ADGRL1: variants seen among roughly 807,000 people sequenced by gnomAD.
The protein encoded by ADGRL1 is CIRL-1.
In ADGRL1, 31 loss-of-function variants were observed where a neutral mutation model predicts 148.9. The ratio of observed to expected loss-of-function variants is 0.21; its 90% CI spans 0.16 to 0.28. The LOEUF (loss-of-function observed/expected upper bound fraction) is 0.28, where lower values mean the gene tolerates loss of function less well. Ranked by LOEUF, ADGRL1 falls within the 10% of genes least tolerant of loss-of-function variation. ADGRL1 has a pLI of 1.00. For missense variants in ADGRL1, 1,521 were observed against 2,058.8 expected (o/e 0.74, Z 5.05); for synonymous variants, 937 against 900.3 (o/e 1.04, Z -0.73).
At position 14,160,363 on chromosome 19, in the gene ADGRL1, C is replaced by A; in HGVS notation, c.1615-66G>T. On this transcript the variant is annotated intron_variant, in intron 7 of 22. Coordinates refer to ENST00000361434, the MANE Select transcript of ADGRL1 (RefSeq NM_014921.5). The surrounding 1 kb of genome is among the most constrained non-coding windows in gnomAD (Gnocchi z 5.9). ...TCAGGGACCATCCTGCCCTCCCCGG[C>A]TTCCCTGGCCTGTGCAGCCTCTCCT... 2 of 1,437,678 alleles carry A rather than the reference C, an allele frequency of 1.4e-6. No individual in the cohort carries two copies. The highest frequency in any genetic ancestry group is 1.9e-6 in the Non-Finnish European group (2 of 1,056,732). The allele number at this position is 1,437,678 out of a possible 1,614,324, so 89.1% of individuals were successfully genotyped here.
At position 14,151,497 on chromosome 19, in the gene ADGRL1, C is replaced by A. The variant is rs914900700; in HGVS notation, c.3786G>T (p.Glu1262Asp). The change falls in exon 23 of 23, where the codon GAG (glutamate) becomes GAT (aspartate). Residue 1262 changes from glutamate to aspartate, a missense_variant. Glu to Asp is a conservative substitution (Grantham distance 45, BLOSUM62 2). Coordinates refer to ENST00000361434, the MANE Select transcript of ADGRL1 (RefSeq NM_014921.5). ...GDFPPGDGGPEPPRGRNLADA... is the reference protein window; with the variant it reads ...GDFPPGDGGPDPPRGRNLADA... ...CGGCTAGGTTCCGGCCTCGGGGCGG[C>A]TCAGGGCCCCCATCCCCGGGAGGGA... 3 of 1,611,276 alleles carry A rather than the reference C, an allele frequency of 1.9e-6. No homozygotes were observed. In the South Asian group the frequency reaches 3.3e-5, roughly 18 times the overall value.
intron 3 of ADGRL1, among the ~76,000 whole-genome samples, chr19:14,176,849 AAG>A (rs1284198092): frequency 6.6e-6 from 1 of 151,840 alleles, no homozygotes; most frequent in Non-Finnish European, 1.5e-5. Context: ...AAAAAAAAAA[AAG>A]AGTCTGGGAT....
intron 16 of ADGRL1, 128 bp from the exon 17 acceptor site, chr19:14,156,329 C>A: frequency 1.3e-6 from 1 of 756,706 alleles, no homozygotes; most frequent in South Asian, 1.6e-5. Context: ...AACCCCGTAC[C>A]TGCCCCTGAG....
intron 1 of ADGRL1, among the ~76,000 whole-genome samples, chr19:14,184,407 C>A (rs76164862): frequency 0.019 from 2,894 of 151,428 alleles, 81 homozygotes; most frequent in African/African-American, 0.066. Flanking sequence ...CCAGGCACAG[C>A]GGCTCAGTTT....
At chr19:14,191,831 G>A (rs536651934) in intron 1 of ADGRL1, among the ~76,000 whole-genome samples, 13 of 152,062 alleles carry the variant, frequency 8.5e-5, no homozygotes, top group African/African-American at 2.9e-4. Context: ...GAGTAGCTGG[G>A]GCTACAGGTG....
intron 16 of ADGRL1, 75 bp downstream of exon 16, chr19:14,156,583 G>A (rs1163112785): frequency 6.2e-5 from 56 of 905,068 alleles, no homozygotes; most frequent in Admixed American, 4.6e-4. Flanking sequence ...GGTGGGGGGC[G>A]GGGGCAGGGG....
In ADGRL1 at chr19:14,198,683, G is replaced by A. The variant is rs34341692; in HGVS notation, c.-96+7302C>T. Reference sequence around the variant, plus strand: ...AGCCTCCAGCTTCTCTCCACATGCAGTTGTGAAACATTTCTCCTTCCTCCC... The same window carrying A: ...AGCCTCCAGCTTCTCTCCACATGCAATTGTGAAACATTTCTCCTTCCTCCC... On this transcript the variant is annotated intron_variant, in intron 1 of 22. Transcript: ENST00000361434. Among the ~76,000 whole-genome samples, 464 of 152,078 alleles carry A rather than the reference G, an allele frequency of 3.1e-3. 2 individuals carry two copies. The highest frequency in any genetic ancestry group is 0.011 in the African/African-American group (446 of 41,462).
intron 4 of ADGRL1, among the ~76,000 whole-genome samples, chr19:14,168,479 G>T (rs995914056): frequency 6.6e-6 from 1 of 152,050 alleles, no homozygotes; most frequent in African/African-American, 2.4e-5. Flanking sequence ...AAGGGCTCAG[G>T]CTATCTCTCT....
chr19:14,159,591 A>T lies in ADGRL1; in HGVS notation c.1840-7T>A. On this transcript the variant is annotated splice_region_variant and splice_polypyrimidine_tract_variant and intron_variant, in intron 9 of 22. Transcript: ENST00000361434. The surrounding 1 kb of genome is among the most constrained non-coding windows in gnomAD (Gnocchi z 6.0). ...CCACTGTCTCCACCACGGCCTGCACAGGCAGAGGGCATGGTGCTGTGAGCC... is the reference window on the plus strand; with the variant it reads ...CCACTGTCTCCACCACGGCCTGCACTGGCAGAGGGCATGGTGCTGTGAGCC... 1 of 1,594,204 alleles carries T rather than the reference A, an allele frequency of 6.3e-7. No individual in the cohort carries two copies. The highest frequency in any genetic ancestry group is 1.1e-5 in the South Asian group (1 of 89,816).
intron 18 of ADGRL1, among the ~76,000 whole-genome samples, chr19:14,154,245 T>C (rs1275185382): frequency 6.6e-6 from 1 of 152,126 alleles, no homozygotes; most frequent in East Asian, 1.9e-4. Flanking sequence ...ACCTCCTCCC[T>C]TGCAACCAGG....
intron 1 of ADGRL1, among the ~76,000 whole-genome samples, chr19:14,187,214 C>T (rs1198321492): frequency 6.6e-6 from 1 of 152,186 alleles, no homozygotes; most frequent in Non-Finnish European, 1.5e-5. Flanking sequence ...TGGCGGGTGC[C>T]TGTAATCCCA....
chr19:14,173,660 A>C (rs574684252), intron 3 of ADGRL1, among the ~76,000 whole-genome samples: 1 of 152,202 alleles, frequency 6.6e-6, no homozygotes, highest in African/African-American at 2.4e-5. Context: ...ACAAATGAAC[A>C]GCTAGGCTGG....
intron 1 of ADGRL1, among the ~76,000 whole-genome samples, chr19:14,204,898 G>A (rs1972881688): frequency 1.3e-5 from 2 of 152,126 alleles, no homozygotes; most frequent in African/African-American, 4.8e-5. Context: ...GGGGGGCCCT[G>A]CCTGGAACTG....
intron 1 of ADGRL1, among the ~76,000 whole-genome samples, chr19:14,202,188 C>T (rs1483442052): frequency 1.3e-5 from 2 of 151,802 alleles, no homozygotes; most frequent in African/African-American, 2.4e-5. Flanking sequence ...GGGCTACCCT[C>T]GAAAAGAAGA....
At chr19:14,156,838 A>C in intron 15 of ADGRL1, 87 bp downstream of exon 15, 2 of 1,530,798 alleles carry the variant, frequency 1.3e-6, no homozygotes, top group Non-Finnish European at 1.8e-6. Flanking sequence ...GGAGGAAGGG[A>C]CTACCGCCCT....
chr19:14,166,888 G>A, intron 4 of ADGRL1: 2 of 979,022 alleles, frequency 2.0e-6, no homozygotes, highest in East Asian at 4.8e-5. Flanking sequence ...CCCAGGGTGG[G>A]GGATACCGAC....
At position 14,149,488 on chromosome 19, in the gene ADGRL1, C is replaced by T. The variant is rs1967936626; in HGVS notation, c.*1385G>A. 1 of 153,012 alleles carries T rather than the reference C, an allele frequency of 6.5e-6. No individual in the cohort carries two copies. Among genetic ancestry groups the T allele is most frequent in the Non-Finnish European group, 1.5e-5 (1 of 68,362 alleles). The allele number at this position is 153,012 out of a possible 1,614,324, so 9.5% of individuals were successfully genotyped here. On this transcript the variant is annotated 3_prime_UTR_variant, in exon 23 of 23. Transcript: ENST00000361434. ...AGCCCCATCTTCCCCGGCGAGAGTC[C>T]CCAGAGCAATATACAAGAAGCAGGA...
chr19:14,183,374 A>AC, intron 2 of ADGRL1, among the ~76,000 whole-genome samples, 159 bp downstream of exon 2: 1 of 151,610 alleles, frequency 6.6e-6, no homozygotes, highest in Non-Finnish European at 1.5e-5. Context: ...GGTGTGTGTT[A>AC]CCCCTGAGTC....
chr19:14,184,640 TTATTTA>T lies in ADGRL1; in HGVS notation c.-95-949_-95-944del, dbSNP rs1446872599. ...TTTATTTATTTATTTATTTATTTATTTATTTATTTTTTTTTCTGAGACGGAGTCGTG... is the reference window on the plus strand; with the variant it reads ...TTTATTTATTTATTTATTTATTTATTTTTTTTTTTCTGAGACGGAGTCGTG... On this transcript the variant is annotated intron_variant, in intron 1 of 22. Transcript: ENST00000361434. Among the ~76,000 whole-genome samples, 179 of 138,458 alleles carry T rather than the reference TTATTTA, an allele frequency of 1.3e-3. 7 individuals carry two copies. Among genetic ancestry groups the T allele is most frequent in the African/African-American group, 5.1e-3 (172 of 33,932 alleles). The allele number at this position is 138,458 out of a possible 152,430, so 90.8% of individuals were successfully genotyped here.
Sources: allele counts gnomAD v4.1 joint callset (sites outside exome capture counted in the v4.1 genomes callset), GRCh38; gene constraint gnomAD v4.1.1; non-coding constraint Gnocchi (gnomAD v3.1); transcripts MANE v1.5; gene names NCBI Gene and HGNC (gene_info 2026-07-23, HGNC 2026-07-21).